The following CTNNA2 variants were observed in gnomAD, a reference collection of about 807,000 sequenced individuals.
CTNNA2 encodes the protein catenin alpha 2, also known as catenin alpha-2.
In CTNNA2, 42 loss-of-function variants were observed where a neutral mutation model predicts 101.0. The ratio of observed to expected loss-of-function variants is 0.42; its 90% CI spans 0.32 to 0.54. The LOEUF (loss-of-function observed/expected upper bound fraction) is 0.54, where lower values mean the gene tolerates loss of function less well. Ranked by LOEUF, CTNNA2 falls within the 20% of genes least tolerant of loss-of-function variation. The pLI, the probability that CTNNA2 is intolerant of heterozygous loss-of-function variation, is 0.14. For synonymous variants in CTNNA2, 450 were observed against 456.4 expected, an observed-to-expected ratio of 0.99 and a Z score of 0.18; for missense variants, 871 against 1,223.1, an observed-to-expected ratio of 0.71 and a Z score of 4.29.
intron 7 of CTNNA2, among the ~76,000 whole-genome samples, chr2:80,380,027 A>C (rs1343305736): frequency 2.5e-5 from 3 of 120,838 alleles, no homozygotes; most frequent in East Asian, 5.2e-4. Flanking sequence ...TTCGAGATGT[A>C]CTTTTTTTTT....
chr2:79,688,183 A>C lies in CTNNA2; in HGVS notation c.102+36525A>C, dbSNP rs192052313. Among the ~76,000 whole-genome samples the C allele has an allele frequency of 2.4e-3, 358 of 152,224 alleles. 6 individuals carry two copies. The highest frequency in any genetic ancestry group is 4.6e-4 in the Non-Finnish European group (31 of 67,994). ...ATTTTCTAGAAATATGAAGTTTCTT[A>C]TAAGGTCTTAAATAATTTCCACAGG... On this transcript the variant is annotated intron_variant, in intron 2 of 18. Transcript: ENST00000402739.
chr2:79,419,678 G>T (rs1463675536), intron 4 of CTNNA2, among the ~76,000 whole-genome samples: 3 of 152,100 alleles, frequency 2.0e-5, no homozygotes, highest in Non-Finnish European at 4.4e-5. Context: ...CTAGTAAAAA[G>T]AAACCCTTTG....
chr2:79,621,260 G>A (rs1678980870), intron 1 of CTNNA2, among the ~76,000 whole-genome samples: 1 of 152,138 alleles, frequency 6.6e-6, no homozygotes, highest in Non-Finnish European at 1.5e-5. Context: ...GAAGCAATGA[G>A]CACCTCTAGC....
intron 7 of CTNNA2, among the ~76,000 whole-genome samples, chr2:80,241,422 T>A (rs1276726740): frequency 6.6e-6 from 1 of 151,750 alleles, no homozygotes; most frequent in East Asian, 1.9e-4. Context: ...TTTAAAGCAT[T>A]TTAGGAACAT....
intron 9 of CTNNA2, among the ~76,000 whole-genome samples, chr2:80,526,192 C>T (rs1321303038): frequency 1.3e-5 from 2 of 151,994 alleles, no homozygotes; most frequent in African/African-American, 2.4e-5. Flanking sequence ...CTCTGTGCCT[C>T]GATTTTCTTT....
chr2:80,430,419 A>G (rs1681384479), intron 9 of CTNNA2, among the ~76,000 whole-genome samples: 1 of 152,184 alleles, frequency 6.6e-6, no homozygotes, highest in African/African-American at 2.4e-5. Context: ...GGAAACTAAA[A>G]GTAGCCTGAC....
At chr2:80,030,964 A>T (rs1205249077) in intron 7 of CTNNA2, among the ~76,000 whole-genome samples, 1 of 152,242 alleles carries the variant, frequency 6.6e-6, no homozygotes, top group African/African-American at 2.4e-5. Flanking sequence ...TATTCTATCC[A>T]GTGATGGAAA....
intron 4 of CTNNA2, among the ~76,000 whole-genome samples, chr2:79,466,653 C>A (rs970238036): frequency 2.6e-5 from 4 of 152,210 alleles, no homozygotes; most frequent in Non-Finnish European, 5.9e-5. Flanking sequence ...ACACCCCACA[C>A]AGCCGAGTAC....
At chr2:79,652,448 C>T (rs1000281095) in intron 2 of CTNNA2, among the ~76,000 whole-genome samples, 2 of 152,096 alleles carry the variant, frequency 1.3e-5, no homozygotes, top group African/African-American at 2.4e-5. Flanking sequence ...CTTCTAGAAA[C>T]CACATCACTT....
chr2:80,493,309 T>C (rs1687204248), intron 9 of CTNNA2, among the ~76,000 whole-genome samples: 1 of 152,200 alleles, frequency 6.6e-6, no homozygotes, highest in African/African-American at 2.4e-5. Flanking sequence ...ACATGTTTCA[T>C]TTTCTAAGTG....
In CTNNA2 at chr2:80,100,442, G is replaced by T. The variant is rs144821606; in HGVS notation, c.1056+190645G>T. On this transcript the variant is annotated intron_variant, in intron 7 of 18. Coordinates refer to ENST00000402739, the MANE Select transcript of CTNNA2 (RefSeq NM_001282597.3). The stretch of plus-strand genomic sequence containing the variant: ...TAATCTTGTCTGTCTCACTTTTTAA[G>T]GTTCTCTCCAGCCACCATCTTGCCT... 7.5e-3 allele frequency among the ~76,000 whole-genome samples: 1,139 copies of T among 152,192 alleles called. 8 individuals are homozygous for T. The highest frequency in any genetic ancestry group is 0.01 in the Non-Finnish European group (712 of 68,016).
intron 2 of CTNNA2, among the ~76,000 whole-genome samples, chr2:79,221,363 G>A (rs1205059826): frequency 6.6e-6 from 1 of 152,036 alleles, no homozygotes; most frequent in Admixed American, 6.6e-5. Context: ...ATGTTTCCCA[G>A]ACTTGTCTCA....
intron 18 of CTNNA2, among the ~76,000 whole-genome samples, chr2:80,641,286 T>C (rs1195242452): frequency 6.6e-6 from 1 of 152,204 alleles, no homozygotes; most frequent in African/African-American, 2.4e-5. Flanking sequence ...ATTTGCATTA[T>C]TTTTAATCCA....
intron 7 of CTNNA2, among the ~76,000 whole-genome samples, chr2:80,219,590 C>G (rs1253458612): frequency 3.3e-5 from 5 of 152,122 alleles, no homozygotes; most frequent in Non-Finnish European, 7.3e-5. Context: ...GACCCATTCA[C>G]CTATCTTCTC....
chr2:79,776,452 T>C (rs1187190452), intron 3 of CTNNA2, among the ~76,000 whole-genome samples: 1 of 152,122 alleles, frequency 6.6e-6, no homozygotes. Flanking sequence ...AGGTTTAAGG[T>C]AAATCAATTG....
intron 7 of CTNNA2, among the ~76,000 whole-genome samples, chr2:80,039,394 A>G (rs113607887): frequency 0.015 from 2,341 of 152,302 alleles, 58 homozygotes; most frequent in African/African-American, 0.053. Context: ...GCCCACGGGC[A>G]GTTACTACCA....
At chr2:79,332,456 G>C (rs916532088) in intron 3 of CTNNA2, among the ~76,000 whole-genome samples, 1 of 152,154 alleles carries the variant, frequency 6.6e-6, no homozygotes, top group South Asian at 2.1e-4. Flanking sequence ...GGCATGAAAG[G>C]TGGAGAGGGT....
rs550556397 is a variant in CTNNA2, at chr2:80,033,855, A to G, written c.1056+124058A>G. Among the ~76,000 whole-genome samples the G allele has an allele frequency of 2.0e-5, 3 of 152,176 alleles. No homozygotes were observed. The South Asian group carries it at 6.2e-4, about 32-fold the overall frequency. Reference sequence around the variant, plus strand: ...GTATCATCTTAAAGCAGTGAGGAAAATATAGATCATTCAGTAAAAATTGTA... The same window carrying G: ...GTATCATCTTAAAGCAGTGAGGAAAGTATAGATCATTCAGTAAAAATTGTA... On this transcript the variant is annotated intron_variant, in intron 7 of 18. Transcript: ENST00000402739.
intron 1 of CTNNA2, among the ~76,000 whole-genome samples, chr2:79,647,184 CTTG>C (rs1316896730): frequency 1.3e-5 from 2 of 152,094 alleles, no homozygotes; most frequent in Admixed American, 6.6e-5. Flanking sequence ...GATCTGTTCT[CTTG>C]TTTTCTCGTT....
Sources: allele counts gnomAD v4.1 joint callset (sites outside exome capture counted in the v4.1 genomes callset), GRCh38; gene constraint gnomAD v4.1.1; transcripts MANE v1.5; gene names NCBI Gene and HGNC (gene_info 2026-07-23, HGNC 2026-07-21).